The following SLC25A42 variants were observed in gnomAD, a reference collection of about 807,000 sequenced individuals.
SLC25A42 encodes solute carrier family 25 member 42.
SLC25A42 carries 19 observed loss-of-function variants against 34.7 expected under a neutral mutation model. The ratio of observed to expected loss-of-function variants is 0.55; its 90% CI spans 0.38 to 0.80. The LOEUF is 0.80. Ranked by LOEUF, SLC25A42 falls within the 30% of genes least tolerant of loss-of-function variation. SLC25A42 has a pLI of 0.00. For synonymous variants in SLC25A42, 205 were observed against 191.2 expected (o/e 1.07, Z -0.59); for missense variants, 364 against 441.3 (o/e 0.82, Z 1.57).
intron 1 of SLC25A42, among the ~76,000 whole-genome samples, chr19:19,084,501 G>A (rs551876257): frequency 2.0e-5 from 3 of 152,154 alleles, no homozygotes; most frequent in Admixed American, 6.5e-5. Flanking sequence ...AGGCCACACA[G>A]ATAGGAATCA....
rs1231279149 is a variant in SLC25A42 at position 19,109,556 on chromosome 19, T to G, written c.650-1013T>G. On this transcript the variant is annotated intron_variant, in intron 7 of 7. Coordinates refer to ENST00000318596, the MANE Select transcript of SLC25A42 (RefSeq NM_178526.5). The surrounding 1 kb of genome is among the most constrained non-coding windows in gnomAD (Gnocchi z 4.1). ...AGCCATTCTCCTGCCTCAGCCTCCCTAGTAGCTGGGATTACAGGCGCCCAC... is the reference window on the plus strand; with the variant it reads ...AGCCATTCTCCTGCCTCAGCCTCCCGAGTAGCTGGGATTACAGGCGCCCAC... 1.3e-5 allele frequency among the ~76,000 whole-genome samples: 2 copies of G among 151,998 alleles called. No homozygotes were observed.
intron 2 of SLC25A42, among the ~76,000 whole-genome samples, chr19:19,098,044 T>C (rs1056088229): frequency 6.6e-6 from 1 of 152,164 alleles, no homozygotes; most frequent in African/African-American, 2.4e-5. Flanking sequence ...CCACTTTCTC[T>C]TGTCAGCTGC....
rs775986073 is a variant in SLC25A42 at position 19,104,879 on chromosome 19, A to G, written c.188-34A>G. 9 of 1,613,946 alleles carry G rather than the reference A, an allele frequency of 5.6e-6. No homozygotes were observed. The Admixed American group carries it at 1.3e-4, about 24-fold the overall frequency. ...GCAGATGGGAGGTTCTGTCCTTTGC[A>G]TCTCAGTGGCTTTTGTGCTTTTGTT... On this transcript the variant is annotated intron_variant, in intron 3 of 7. Transcript: ENST00000318596.
At chr19:19,101,688 G>C in intron 2 of SLC25A42, 93 bp from the exon 3 acceptor site, 1 of 1,153,612 alleles carries the variant, frequency 8.7e-7, no homozygotes, top group South Asian at 1.5e-5. Flanking sequence ...CTCGGCCCCG[G>C]CCCAGAGGGT....
chr19:19,097,837 C>T (rs937703704), intron 2 of SLC25A42, among the ~76,000 whole-genome samples: 1 of 152,110 alleles, frequency 6.6e-6, no homozygotes, highest in Admixed American at 6.5e-5. Flanking sequence ...GTGGCACGCA[C>T]CTGTAATCCC....
chr19:19,069,828 CTTTT>C (rs775484703), intron 1 of SLC25A42, among the ~76,000 whole-genome samples: 1 of 139,786 alleles, frequency 7.2e-6, no homozygotes. Flanking sequence ...ATCTCCTCTT[CTTTT>C]TTTTTTTTTT....
chr19:19,104,442 G>A (rs959149374), intron 3 of SLC25A42, among the ~76,000 whole-genome samples: 1 of 152,120 alleles, frequency 6.6e-6, no homozygotes, highest in Non-Finnish European at 1.5e-5. Context: ...ACCATGGCTC[G>A]GGTCCCCCAT....
At chr19:19,070,991 C>CT (rs35787720) in intron 1 of SLC25A42, among the ~76,000 whole-genome samples, 94,124 of 117,134 alleles carry the variant, frequency 0.8, 38,185 homozygotes, top group East Asian at 0.86. Flanking sequence ...TGCATACCGT[C>CT]TTTTTTTTTT....
At chr19:19,105,899 CT>C (rs2145923584) in intron 5 of SLC25A42, 172 bp downstream of exon 5, 2 of 621,234 alleles carry the variant, frequency 3.2e-6, no homozygotes, top group East Asian at 2.8e-5. Context: ...GAGGGACCCC[CT>C]GACTCTGTCA....
intron 1 of SLC25A42, among the ~76,000 whole-genome samples, chr19:19,087,539 C>T (rs915493404): frequency 2.0e-5 from 3 of 152,214 alleles, no homozygotes; most frequent in South Asian, 2.1e-4. Context: ...CCACCCACTT[C>T]GGCCTCCCAA....
In SLC25A42 at chr19:19,103,627, G is replaced by A. The variant is rs918986327; in HGVS notation, c.188-1286G>A. Among the ~76,000 whole-genome samples, 3 of 152,326 alleles carry A rather than the reference G, an allele frequency of 2.0e-5. No individual in the cohort carries two copies. In the South Asian group the frequency reaches 6.2e-4, roughly 32 times the overall value. ...TAGTCACAGGGTCCTCTGAAGAGGT[G>A]GCCTTTGCCCCCTTCAAACAGTTAC... On this transcript the variant is annotated intron_variant, in intron 3 of 7. Transcript: ENST00000318596.
intron 2 of SLC25A42, among the ~76,000 whole-genome samples, 166 bp from the exon 3 acceptor site, chr19:19,101,615 G>T (rs1426564994): frequency 1.3e-5 from 2 of 152,222 alleles, no homozygotes; most frequent in Non-Finnish European, 2.9e-5. Context: ...TCTGTGGCCT[G>T]TGGACCCACC....
At chr19:19,107,335 A>G (rs2059837114) in intron 6 of SLC25A42, among the ~76,000 whole-genome samples, 1 of 151,936 alleles carries the variant, frequency 6.6e-6, no homozygotes, top group Non-Finnish European at 1.5e-5. Flanking sequence ...AAAAACAAAA[A>G]AAGTGTAAGA....
chr19:19,110,069 G>A (rs1048398855), intron 7 of SLC25A42, among the ~76,000 whole-genome samples: 7 of 152,110 alleles, frequency 4.6e-5, no homozygotes, highest in African/African-American at 1.7e-4. Flanking sequence ...TTTCTCGGCC[G>A]GGCTCGGTGG....
In SLC25A42 at chr19:19,105,790, T is replaced by C. The variant is rs10420684; in HGVS notation, c.380+63T>C. ...CCCACGCCCGCCCCTCTCTCTTTCT[T>C]CTGCACGCCCCGCTCCCTCCTCTTC... is the stretch of plus-strand genomic sequence containing the variant. On this transcript the variant is annotated intron_variant, in intron 5 of 7. Transcript: ENST00000318596. 1,125 of 1,381,632 alleles carry C rather than the reference T, an allele frequency of 8.1e-4. 14 individuals are homozygous for C. The African/African-American group carries it at 0.015, about 18-fold the overall frequency. The allele number at this position is 1,381,632 out of a possible 1,614,324, so 85.6% of individuals were successfully genotyped here.
intron 1 of SLC25A42, among the ~76,000 whole-genome samples, chr19:19,089,428 T>C (rs904400370): frequency 6.6e-6 from 1 of 151,204 alleles, no homozygotes; most frequent in African/African-American, 2.4e-5. Context: ...CTCAGGAGGC[T>C]GAGGCAGGAG....
chr19:19,072,671 C>T (rs1376862097), intron 1 of SLC25A42, among the ~76,000 whole-genome samples: 2 of 151,466 alleles, frequency 1.3e-5, no homozygotes, highest in Non-Finnish European at 2.9e-5. Flanking sequence ...GCATGAGCCA[C>T]CTCACTCAGC....
intron 1 of SLC25A42, among the ~76,000 whole-genome samples, chr19:19,072,843 T>C (rs2145898845): frequency 6.6e-6 from 1 of 150,864 alleles, no homozygotes; most frequent in Non-Finnish European, 1.5e-5. Flanking sequence ...CATACCTGGC[T>C]AATTTATTTT....
intron 1 of SLC25A42, among the ~76,000 whole-genome samples, chr19:19,082,149 A>G (rs1304724822): frequency 6.6e-6 from 1 of 152,112 alleles, no homozygotes; most frequent in East Asian, 1.9e-4. Flanking sequence ...AACCACCACA[A>G]ATGTGGAGGC....
Sources: gnomAD v4.1 joint callset for allele counts (sites outside exome capture counted in the v4.1 genomes callset) on GRCh38, gnomAD v4.1.1 for gene constraint, Gnocchi (gnomAD v3.1) non-coding constraint, MANE v1.5 for transcripts, NCBI Gene and HGNC (gene_info 2026-07-23, HGNC 2026-07-21) for gene names.